SLC14A2: variants seen among roughly 807,000 people sequenced by gnomAD.
SLC14A2 encodes urea transporter 2.
SLC14A2 carries 91 observed loss-of-function variants against 104.6 expected under a neutral mutation model. The ratio of observed to expected loss-of-function variants is 0.87; its 90% CI spans 0.73 to 1.04. SLC14A2 has a LOEUF of 1.04. Ranked by LOEUF, SLC14A2 falls within the 50% of genes least tolerant of loss-of-function variation. The probability of loss-of-function intolerance (pLI) is 0.00; values close to 1 mark genes in which losing one functional copy is unlikely to be tolerated. For synonymous variants in SLC14A2, 476 were observed against 466.4 expected, an observed-to-expected ratio of 1.02 and a Z score of -0.27; for missense variants, 1,189 against 1,156.0, an observed-to-expected ratio of 1.03 and a Z score of -0.41.
chr18:45,641,797 T>C lies in SLC14A2; in HGVS notation c.1126+454T>C, dbSNP rs112816522. 7.7e-4 allele frequency among the ~76,000 whole-genome samples: 118 copies of C among 152,316 alleles called. No homozygotes were observed. The Middle Eastern group carries it at 0.014, about 18-fold the overall frequency. ...AGGCTGCAGCGTCCACAAAGGTTGTTGGAATGATCCAGTGAGGTGATGTAC... is the reference window on the plus strand; with the variant it reads ...AGGCTGCAGCGTCCACAAAGGTTGTCGGAATGATCCAGTGAGGTGATGTAC... On this transcript the variant is annotated intron_variant, in intron 8 of 19. Coordinates refer to ENST00000255226, the MANE Select transcript of SLC14A2 (RefSeq NM_007163.4).
chr18:45,194,649 T>TG, the SLC14A2 span, among the ~76,000 whole-genome samples: 1 of 144,982 alleles, frequency 6.9e-6, no homozygotes, highest in African/African-American at 2.6e-5. Context: ...TGTAATTTTT[T>TG]TTTTTTTTTT....
chr18:45,279,604 G>A (rs1408201323), intron 1 of SLC14A2, among the ~76,000 whole-genome samples: 2 of 151,878 alleles, frequency 1.3e-5, no homozygotes, highest in Non-Finnish European at 2.9e-5. Context: ...TGAACCAGTG[G>A]TACCAAAGCA....
chr18:45,622,891 A>G (rs1354662066), intron 1 of SLC14A2, among the ~76,000 whole-genome samples: 1 of 152,214 alleles, frequency 6.6e-6, no homozygotes, highest in African/African-American at 2.4e-5. Flanking sequence ...ACCTGAGGAC[A>G]GCAATCCAAC....
At chr18:45,574,173 C>T (rs2044387372) in intron 2 of SLC14A2, among the ~76,000 whole-genome samples, 1 of 152,080 alleles carries the variant, frequency 6.6e-6, no homozygotes, top group African/African-American at 2.4e-5. Context: ...AACCTGCTTG[C>T]CTGCACGTGC....
At position 45,509,278 on chromosome 18, in the gene SLC14A2, TCTC is replaced by T. The variant is rs544213662; in HGVS notation, c.-35+25961_-35+25963del. Among the ~76,000 whole-genome samples, 556 of 152,042 alleles carry T rather than the reference TCTC, an allele frequency of 3.7e-3. 3 individuals carry two copies. The highest frequency in any genetic ancestry group is 0.013 in the African/African-American group (531 of 41,488). ...TCTCTGCCTAAATTTACCTCAGTCA[TCTC>T]CTCCCTATATATATATATCTCTCTC... On this transcript the variant is annotated intron_variant, in intron 2 of 20. Coordinates refer to the SLC14A2 transcript ENST00000586448.
chr18:45,659,019 C>T (rs970389984), intron 10 of SLC14A2, among the ~76,000 whole-genome samples: 1 of 152,136 alleles, frequency 6.6e-6, no homozygotes, highest in East Asian at 1.9e-4. Flanking sequence ...CCTGAAAGGC[C>T]CCCAGGGTGA....
intron 1 of SLC14A2, among the ~76,000 whole-genome samples, chr18:45,227,492 T>TAGCAG (rs2144011880): frequency 6.6e-6 from 1 of 152,340 alleles, no homozygotes; most frequent in African/African-American, 2.4e-5. Flanking sequence ...TCTTGCTTCA[T>TAGCAG]TATCACATAG....
At chr18:45,334,548 C>T (rs1298630363) in intron 1 of SLC14A2, among the ~76,000 whole-genome samples, 2 of 152,172 alleles carry the variant, frequency 1.3e-5, no homozygotes, top group Non-Finnish European at 2.9e-5. Context: ...AATGTATTTA[C>T]TTCTGTGGGT....
intron 10 of SLC14A2, among the ~76,000 whole-genome samples, chr18:45,649,289 G>A (rs8092589): frequency 0.29 from 44,746 of 152,148 alleles, 7,598 homozygotes; most frequent in Middle Eastern, 0.44. Flanking sequence ...TCCCTACCCT[G>A]AGGAACTAAG....
At chr18:45,175,084 A>G in the SLC14A2 span, among the ~76,000 whole-genome samples, 82 of 152,264 alleles carry the variant, frequency 5.4e-4, 1 homozygote, top group African/African-American at 2.0e-3. Context: ...AAAATTACAA[A>G]TGCAAATACC....
chr18:45,569,083 C>T (rs1283497339), intron 2 of SLC14A2, among the ~76,000 whole-genome samples: 2 of 152,200 alleles, frequency 1.3e-5, no homozygotes, highest in South Asian at 2.1e-4. Context: ...CGATTCTAGC[C>T]TAAGTTGCAC....
chr18:45,422,607 G>A (rs1437109270), intron 1 of SLC14A2, among the ~76,000 whole-genome samples: 1 of 152,168 alleles, frequency 6.6e-6, no homozygotes, highest in African/African-American at 2.4e-5. Flanking sequence ...AGAGCAGCCT[G>A]TGAGAGGCCC....
At chr18:45,228,790 G>A (rs1294727480) in intron 1 of SLC14A2, among the ~76,000 whole-genome samples, 2 of 152,278 alleles carry the variant, frequency 1.3e-5, no homozygotes, top group African/African-American at 2.4e-5. Flanking sequence ...AGCTAATCGT[G>A]TTCAACACTC....
In SLC14A2 at chr18:45,575,899, A is replaced by G. The variant is rs532342329; in HGVS notation, c.-34-48732A>G. Among the ~76,000 whole-genome samples the G allele has an allele frequency of 1.4e-3, 214 of 150,642 alleles. 1 individual carries two copies. The highest frequency in any genetic ancestry group is 2.6e-3 in the Non-Finnish European group (176 of 67,858). On this transcript the variant is annotated intron_variant, in intron 2 of 20. Coordinates refer to the SLC14A2 transcript ENST00000586448. ...TGAGTAGTTCTCGATGTTTTCTTTG[A>G]GACACTGTACGAAGCAATACAAGAG...
chr18:45,438,947 T>C (rs1013941620), intron 1 of SLC14A2, among the ~76,000 whole-genome samples: 1 of 152,140 alleles, frequency 6.6e-6, no homozygotes, highest in Non-Finnish European at 1.5e-5. Flanking sequence ...CTAGGGCCTA[T>C]AACCTGTCAA....
At chr18:45,509,980 G>T (rs1316557631) in intron 2 of SLC14A2, among the ~76,000 whole-genome samples, 1 of 152,132 alleles carries the variant, frequency 6.6e-6, no homozygotes, top group African/African-American at 2.4e-5. Flanking sequence ...GAGTGGAGGG[G>T]TTGCCCATAA....
At chr18:45,244,785 A>C (rs1180495007) in intron 1 of SLC14A2, among the ~76,000 whole-genome samples, 2 of 152,196 alleles carry the variant, frequency 1.3e-5, no homozygotes, top group Admixed American at 1.3e-4. Context: ...TTATGGTAGA[A>C]AGAGGCAGAA....
intron 1 of SLC14A2, among the ~76,000 whole-genome samples, chr18:45,268,823 G>C (rs2084619937): frequency 6.6e-6 from 1 of 152,122 alleles, no homozygotes; most frequent in South Asian, 2.1e-4. Context: ...CATGAACTAT[G>C]AGAGTTATTG....
chr18:45,341,686 G>T (rs990486167), intron 1 of SLC14A2, among the ~76,000 whole-genome samples: 2 of 137,148 alleles, frequency 1.5e-5, no homozygotes, highest in African/African-American at 5.6e-5. Context: ...TCTGCCTGCT[G>T]GGTTCAAGCA....
Sources: allele counts gnomAD v4.1 joint callset (sites outside exome capture counted in the v4.1 genomes callset), GRCh38; gene constraint gnomAD v4.1.1; transcripts MANE v1.5; gene names NCBI Gene and HGNC (gene_info 2026-07-23, HGNC 2026-07-21).